FUT9: variants seen among roughly 807,000 people sequenced by gnomAD.
The protein encoded by FUT9 is fucosyltransferase 9.
In FUT9, 15 loss-of-function variants were observed where a neutral mutation model predicts 29.7. That is an observed-to-expected ratio of 0.51 (90% CI 0.34 to 0.78). FUT9 has a LOEUF of 0.78. FUT9 is among the 30% of genes least tolerant of loss of function. The pLI is 0.01. For missense variants in FUT9, 319 were observed against 425.4 expected, an observed-to-expected ratio of 0.75 and a Z score of 2.20; for synonymous variants, 169 against 153.7, an observed-to-expected ratio of 1.10 and a Z score of -0.74.
chr6:96,211,370 G>A lies in FUT9; in HGVS notation c.*7135G>A, dbSNP rs186131597. 6.0e-6 allele frequency: 1 copy of A among 166,890 alleles called. No individual in the cohort carries two copies. The highest frequency in any genetic ancestry group is 1.9e-4 in the East Asian group (1 of 5,180). 10.3% of individuals were successfully genotyped at this position (166,890 alleles called of 1,614,324 possible). A position where few individuals can be genotyped will look rare whatever the true frequency, so the allele number is the denominator to read the frequency against. ...ATAGCGCATGTCACAGAATAGGATA[G>A]CAAGAAGATTCTCAGAGATCATTTT... On this transcript the variant is annotated 3_prime_UTR_variant, in exon 3 of 3. Coordinates refer to ENST00000302103, the MANE Select transcript of FUT9 (RefSeq NM_006581.4).
intron 1 of FUT9, among the ~76,000 whole-genome samples, chr6:96,017,192 T>C (rs1769995849): frequency 6.6e-6 from 1 of 152,186 alleles, no homozygotes; most frequent in Non-Finnish European, 1.5e-5. Flanking sequence ...AAATCTTCTT[T>C]GAAATTGCAA....
chr6:96,020,393 T>A, intron 1 of FUT9, among the ~76,000 whole-genome samples: 1 of 152,078 alleles, frequency 6.6e-6, no homozygotes, highest in East Asian at 1.9e-4. Flanking sequence ...ACAGAGAAGG[T>A]TTCGTATCCA....
chr6:96,116,988 C>T (rs931310894), intron 2 of FUT9, among the ~76,000 whole-genome samples: 5 of 152,054 alleles, frequency 3.3e-5, no homozygotes, highest in African/African-American at 9.7e-5. Context: ...TGTATTATCC[C>T]AAAATGGGGT....
At chr6:96,178,058 T>C (rs1773237888) in intron 2 of FUT9, among the ~76,000 whole-genome samples, 1 of 152,148 alleles carries the variant, frequency 6.6e-6, no homozygotes, top group Non-Finnish European at 1.5e-5. Flanking sequence ...GGGGTCCACC[T>C]ACACTGCCAT....
At chr6:96,155,907 T>C (rs757279558) in intron 2 of FUT9, among the ~76,000 whole-genome samples, 1 of 152,156 alleles carries the variant, frequency 6.6e-6, no homozygotes, top group Non-Finnish European at 1.5e-5. Flanking sequence ...CAGTTTGTGG[T>C]ATTTTGTTAT....
intron 2 of FUT9, among the ~76,000 whole-genome samples, chr6:96,136,071 T>C (rs759952137): frequency 2.0e-5 from 3 of 151,660 alleles, no homozygotes; most frequent in Non-Finnish European, 4.4e-5. Flanking sequence ...AAAGAGCTGA[T>C]GGCTTATAGA....
intron 1 of FUT9, among the ~76,000 whole-genome samples, chr6:96,103,891 T>C (rs1424435826): frequency 6.6e-6 from 1 of 152,202 alleles, no homozygotes; most frequent in Admixed American, 6.5e-5. Context: ...CATCTTAACT[T>C]GATTGCACTG....
chr6:96,170,338 T>C (rs1468726647), intron 2 of FUT9, among the ~76,000 whole-genome samples: 1 of 152,158 alleles, frequency 6.6e-6, no homozygotes, highest in Non-Finnish European at 1.5e-5. Flanking sequence ...AACCCAAGTT[T>C]GACTCTAACA....
intron 2 of FUT9, among the ~76,000 whole-genome samples, chr6:96,189,461 G>A (rs915601655): frequency 3.3e-5 from 5 of 152,108 alleles, no homozygotes; most frequent in African/African-American, 9.7e-5. Flanking sequence ...CACGCTATTG[G>A]AGGAATCCCC....
intron 1 of FUT9, among the ~76,000 whole-genome samples, chr6:96,022,488 G>A (rs184321845): frequency 6.6e-6 from 1 of 152,000 alleles, no homozygotes; most frequent in Non-Finnish European, 1.5e-5. Flanking sequence ...ACCATCTCCT[G>A]ATATTTCCAG....
intron 1 of FUT9, among the ~76,000 whole-genome samples, chr6:96,022,607 T>C (rs1041566643): frequency 1.1e-4 from 16 of 151,838 alleles, no homozygotes; most frequent in African/African-American, 3.6e-4. Flanking sequence ...CTTGCAACAG[T>C]TGAATGAGCC....
chr6:96,197,240 C>A (rs1773643072), intron 2 of FUT9, among the ~76,000 whole-genome samples: 1 of 152,100 alleles, frequency 6.6e-6, no homozygotes, highest in South Asian at 2.1e-4. Flanking sequence ...CTTATTATTA[C>A]CAGAGAGAGT....
intron 1 of FUT9, among the ~76,000 whole-genome samples, chr6:96,085,898 C>A (rs141140017): frequency 6.6e-6 from 1 of 152,154 alleles, no homozygotes; most frequent in Non-Finnish European, 1.5e-5. Context: ...TTCCAACTGA[C>A]ACAAACAACA....
chr6:96,195,538 T>C (rs1383052571), intron 2 of FUT9, among the ~76,000 whole-genome samples: 2 of 152,106 alleles, frequency 1.3e-5, no homozygotes, highest in African/African-American at 4.8e-5. Context: ...ATGGAGAAAA[T>C]TGTGGGAACT....
At chr6:96,067,144 A>G (rs984290287) in intron 1 of FUT9, among the ~76,000 whole-genome samples, 1 of 149,108 alleles carries the variant, frequency 6.7e-6, no homozygotes, top group Admixed American at 6.7e-5. Flanking sequence ...ATACATATAT[A>G]TATATTTATA....
intron 2 of FUT9, among the ~76,000 whole-genome samples, chr6:96,185,878 G>T (rs908654332): frequency 1.3e-5 from 2 of 152,000 alleles, no homozygotes; most frequent in Non-Finnish European, 2.9e-5. Context: ...AATATAAGAT[G>T]ACCCTTGAGG....
chr6:96,072,490 C>A (rs1771078946), intron 1 of FUT9, among the ~76,000 whole-genome samples: 1 of 152,106 alleles, frequency 6.6e-6, no homozygotes, highest in Non-Finnish European at 1.5e-5. Flanking sequence ...TTGTCGGAAT[C>A]TTTAAAAACA....
intron 2 of FUT9, among the ~76,000 whole-genome samples, chr6:96,167,538 T>C (rs954877616): frequency 1.1e-4 from 17 of 152,220 alleles, no homozygotes; most frequent in African/African-American, 3.9e-4. Context: ...GCACTTACTG[T>C]GTGCCAGAAA....
At chr6:96,181,117 A>G (rs1225555668) in intron 2 of FUT9, among the ~76,000 whole-genome samples, 2 of 152,194 alleles carry the variant, frequency 1.3e-5, no homozygotes, top group African/African-American at 2.4e-5. Context: ...TGAAGTATAG[A>G]CTGCTTTCAT....
Sources: gnomAD v4.1 joint callset for allele counts (sites outside exome capture counted in the v4.1 genomes callset) on GRCh38, gnomAD v4.1.1 for gene constraint, MANE v1.5 for transcripts, NCBI Gene and HGNC (gene_info 2026-07-23, HGNC 2026-07-21) for gene names.